Variants in GALNTL6 observed in about 807,000 individuals in gnomAD.
GALNTL6 encodes the protein polypeptide N-acetylgalactosaminyltransferase like 6, also known as polypeptide N-acetylgalactosaminyltransferase-like 6.
A neutral mutation model predicts 73.7 loss-of-function variants in GALNTL6; 46 were observed. The ratio of observed to expected loss-of-function variants is 0.62; its 90% CI spans 0.49 to 0.80. GALNTL6 has a LOEUF of 0.80. Ranked by LOEUF, GALNTL6 falls within the 30% of genes least tolerant of loss-of-function variation. The pLI, the probability that GALNTL6 is intolerant of heterozygous loss-of-function variation, is 0.00. For missense variants in GALNTL6, 604 were observed against 755.0 expected, an observed-to-expected ratio of 0.80 and a Z score of 2.34; for synonymous variants, 259 against 263.7, an observed-to-expected ratio of 0.98 and a Z score of 0.17.
At chr4:172,875,532 C>T (rs931513452) in intron 7 of GALNTL6, among the ~76,000 whole-genome samples, 1 of 152,074 alleles carries the variant, frequency 6.6e-6, no homozygotes, top group Non-Finnish European at 1.5e-5. Context: ...GAGATTTCTT[C>T]AAAGGAGACA....
chr4:172,866,520 C>T (rs1744671877), intron 7 of GALNTL6, among the ~76,000 whole-genome samples: 1 of 152,182 alleles, frequency 6.6e-6, no homozygotes, highest in Admixed American at 6.5e-5. Flanking sequence ...AAGCACTTAG[C>T]CCAGTGTCTG....
At chr4:172,188,753 ATTTCCC>A (rs1276641177) in intron 2 of GALNTL6, among the ~76,000 whole-genome samples, 1 of 152,144 alleles carries the variant, frequency 6.6e-6, no homozygotes, top group Non-Finnish European at 1.5e-5. Flanking sequence ...TGGGTGGAGC[ATTTCCC>A]ATAGGCAGTG....
At chr4:172,553,286 A>G (rs1020319560) in intron 5 of GALNTL6, among the ~76,000 whole-genome samples, 3 of 152,200 alleles carry the variant, frequency 2.0e-5, no homozygotes, top group Non-Finnish European at 4.4e-5. Flanking sequence ...TGACTTGAAC[A>G]GCCTCACCTG....
At chr4:172,582,927 C>T (rs1430108020) in intron 5 of GALNTL6, among the ~76,000 whole-genome samples, 4 of 152,194 alleles carry the variant, frequency 2.6e-5, no homozygotes, top group Non-Finnish European at 5.9e-5. Flanking sequence ...TAGATTATGT[C>T]TATCCCTTTC....
In GALNTL6 at chr4:173,034,870, G is replaced by A. The variant is rs567773050; in HGVS notation, c.1639-5063G>A. Among the ~76,000 whole-genome samples, 138 of 152,240 alleles carry A rather than the reference G, an allele frequency of 9.1e-4. 1 individual carries two copies. Among genetic ancestry groups the A allele is most frequent in the African/African-American group, 2.8e-3 (118 of 41,532 alleles). ...TACCTCTGGAAAAGAAGCTCCAGGA[G>A]GGCAGGGATTTTTGTCTCTTTAAGT... is the stretch of plus-strand genomic sequence containing the variant. On this transcript the variant is annotated intron_variant, in intron 12 of 12. Coordinates refer to ENST00000506823, the MANE Select transcript of GALNTL6 (RefSeq NM_001034845.3).
chr4:172,588,891 G>A (rs1737529545), intron 5 of GALNTL6, among the ~76,000 whole-genome samples: 1 of 152,164 alleles, frequency 6.6e-6, no homozygotes, highest in Admixed American at 6.5e-5. Flanking sequence ...GAAGGCAATG[G>A]TGCAGAAGGT....
chr4:172,437,286 C>T (rs975979895), intron 5 of GALNTL6, among the ~76,000 whole-genome samples: 3 of 152,070 alleles, frequency 2.0e-5, no homozygotes, highest in African/African-American at 7.2e-5. Context: ...ACAGAAAGTT[C>T]AAGGTGAATT....
chr4:173,006,528 G>T (rs192681648), intron 10 of GALNTL6, among the ~76,000 whole-genome samples: 13 of 152,280 alleles, frequency 8.5e-5, no homozygotes, highest in Admixed American at 2.6e-4. Flanking sequence ...CACACATCAG[G>T]AAATTGATTT....
intron 3 of GALNTL6, among the ~76,000 whole-genome samples, chr4:172,283,182 GTGAGACAA>G (rs1739125215): frequency 3.9e-5 from 6 of 152,166 alleles, no homozygotes; most frequent in Admixed American, 3.9e-4. Context: ...AAACACATGA[GTGAGACAA>G]AGAATTTGTC....
At chr4:172,001,137 C>T (rs2110758946) in intron 2 of GALNTL6, among the ~76,000 whole-genome samples, 1 of 152,180 alleles carries the variant, frequency 6.6e-6, no homozygotes, top group Middle Eastern at 3.4e-3. Context: ...AGAATCTTCG[C>T]AACAAAAGAG....
chr4:172,768,011 G>A (rs938668162), intron 5 of GALNTL6, among the ~76,000 whole-genome samples: 11 of 152,166 alleles, frequency 7.2e-5, no homozygotes, highest in African/African-American at 2.2e-4. Flanking sequence ...TATAAAGAAG[G>A]CTAGGTATTA....
rs1746988378 is a variant in GALNTL6, at chr4:172,907,859, T to C, written c.1042-23302T>C. On this transcript the variant is annotated intron_variant, in intron 8 of 12. Coordinates refer to ENST00000506823, the MANE Select transcript of GALNTL6 (RefSeq NM_001034845.3). The stretch of plus-strand genomic sequence containing the variant: ...ATCTTAGCACCTCAGCATATGACTT[T>C]TTTTCTTTCCTTATTAAGTCAAGAA... Among the ~76,000 whole-genome samples, 4 of 152,326 alleles carry C rather than the reference T, an allele frequency of 2.6e-5. No individual in the cohort carries two copies. In the South Asian group the frequency reaches 6.2e-4, roughly 24 times the overall value.
intron 5 of GALNTL6, among the ~76,000 whole-genome samples, chr4:172,439,185 C>T (rs2111397596): frequency 6.7e-6 from 1 of 148,560 alleles, no homozygotes; most frequent in South Asian, 2.1e-4. Flanking sequence ...CACACACACA[C>T]ACACACACAC....
intron 2 of GALNTL6, 75 bp downstream of exon 2, chr4:171,814,793 G>GGA (rs1560798704): frequency 6.7e-7 from 1 of 1,488,606 alleles, no homozygotes; most frequent in African/African-American, 1.4e-5. Context: ...CGAGAAAGCC[G>GGA]GTGTGGGATC....
intron 2 of GALNTL6, among the ~76,000 whole-genome samples, chr4:172,030,836 GTTTTTATAAT>G (rs938695579): frequency 1.3e-4 from 20 of 151,650 alleles, no homozygotes; most frequent in African/African-American, 4.4e-4. Context: ...ACTTTAATGT[GTTTTTATAAT>G]TTTTTATAAT....
chr4:172,143,987 T>C (rs1273858019), intron 2 of GALNTL6, among the ~76,000 whole-genome samples: 1 of 152,196 alleles, frequency 6.6e-6, no homozygotes, highest in South Asian at 2.1e-4. Context: ...TCCTATATTA[T>C]GGCAATAACC....
At chr4:172,538,874 T>C (rs1409002791) in intron 5 of GALNTL6, among the ~76,000 whole-genome samples, 2 of 152,086 alleles carry the variant, frequency 1.3e-5, no homozygotes, top group Admixed American at 6.6e-5. Context: ...CAGAAACCAA[T>C]GAAAGCCCTC....
intron 5 of GALNTL6, among the ~76,000 whole-genome samples, chr4:172,766,757 G>A (rs375418158): frequency 1.3e-5 from 2 of 152,192 alleles, no homozygotes; most frequent in Non-Finnish European, 2.9e-5. Flanking sequence ...AAGGATAAAT[G>A]CTTTTCATCC....
intron 2 of GALNTL6, among the ~76,000 whole-genome samples, chr4:171,932,240 G>A (rs77253367): frequency 6.6e-6 from 1 of 152,146 alleles, no homozygotes; most frequent in East Asian, 1.9e-4. Context: ...TGGCATATAT[G>A]TCCTAGTCTT....
Sources: gnomAD v4.1 joint callset for allele counts (sites outside exome capture counted in the v4.1 genomes callset) on GRCh38, gnomAD v4.1.1 for gene constraint, MANE v1.5 for transcripts, NCBI Gene and HGNC (gene_info 2026-07-23, HGNC 2026-07-21) for gene names.